DUSP19: variants seen among roughly 807,000 people sequenced by gnomAD.
DUSP19 encodes dual specificity phosphatase 19.
A neutral mutation model predicts 16.6 loss-of-function variants in DUSP19; 14 were observed. The ratio of observed to expected loss-of-function variants is 0.84; its 90% confidence interval spans 0.56 to 1.32. DUSP19 has a LOEUF of 1.32. Ranked by LOEUF, DUSP19 falls within the 40% of genes most tolerant of loss-of-function variation. DUSP19 has a pLI of 0.00. For missense variants in DUSP19, 258 were observed against 255.9 expected, an observed-to-expected ratio of 1.01 and a Z score of -0.06; for synonymous variants, 81 against 90.5, an observed-to-expected ratio of 0.90 and a Z score of 0.59.
At chr2:183,081,361 T>G (rs1699590248) in intron 1 of DUSP19, among the ~76,000 whole-genome samples, 1 of 152,176 alleles carries the variant, frequency 6.6e-6, no homozygotes, top group Non-Finnish European at 1.5e-5. Flanking sequence ...TCGTCCCACC[T>G]CAGCCTCTGA....
intron 1 of DUSP19, among the ~76,000 whole-genome samples, chr2:183,083,130 A>G (rs1414400540): frequency 4.6e-5 from 7 of 152,014 alleles, no homozygotes; most frequent in African/African-American, 1.7e-4. Flanking sequence ...TACATTTCTT[A>G]TTTCTAATGG....
intron 3 of DUSP19, among the ~76,000 whole-genome samples, chr2:183,088,671 C>T (rs536177652): frequency 8.7e-4 from 133 of 152,120 alleles, no homozygotes; most frequent in African/African-American, 3.1e-3. Context: ...AGACCACCTG[C>T]CTCAGCCTCC....
chr2:183,081,421 A>G (rs937147236), intron 1 of DUSP19, among the ~76,000 whole-genome samples: 1 of 151,958 alleles, frequency 6.6e-6, no homozygotes, highest in Non-Finnish European at 1.5e-5. Flanking sequence ...ATTTTTTTGT[A>G]CTTTTTGTAG....
chr2:183,079,016 G>C lies in DUSP19; in HGVS notation c.83G>C (p.Gly28Ala). The change falls in exon 1 of 4, where the codon GGA (glycine) becomes GCA (alanine). Residue 28 changes from glycine to alanine, a missense_variant. Physicochemically the swap from Gly to Ala is moderately conservative, Grantham distance 60. Transcript: ENST00000354221. ...TGCACCAGGGTGACAACGCTAACTG[G>C]AAAGAAAATTATAGAAACATGGAAA... ...KQCTRVTTLT[G>A]KKIIETWKDA... 6.2e-7 allele frequency: 1 copy of C among 1,614,126 alleles called. No individual in the cohort carries two copies. The highest frequency in any genetic ancestry group is 8.5e-7 in the Non-Finnish European group (1 of 1,180,020).
At chr2:183,082,751 T>C (rs1410956955) in intron 1 of DUSP19, among the ~76,000 whole-genome samples, 1 of 151,852 alleles carries the variant, frequency 6.6e-6, no homozygotes, top group Non-Finnish European at 1.5e-5. Flanking sequence ...CTATACATAT[T>C]TTACCACATT....
In DUSP19 at chr2:183,079,031, A is replaced by C; in HGVS notation, c.98A>C (p.Glu33Ala). 1 of 1,614,174 alleles carries C rather than the reference A, an allele frequency of 6.2e-7. No homozygotes were observed. The highest frequency in any genetic ancestry group is 8.5e-7 in the Non-Finnish European group (1 of 1,180,040). ...VTTLTGKKII[E>A]TWKDARIHVV... ...ACGCTAACTGGAAAGAAAATTATAG[A>C]AACATGGAAAGATGCCAGAATTCAT... is the stretch of plus-strand genomic sequence containing the variant. Residue 33 changes from glutamate to alanine, a missense_variant, in exon 1 of 4, where the codon GAA becomes GCA. Transcript: ENST00000354221.
At chr2:183,087,335 C>A in intron 3 of DUSP19, 143 bp downstream of exon 3, 1 of 909,510 alleles carries the variant, frequency 1.1e-6, no homozygotes, top group Non-Finnish European at 1.6e-6. Flanking sequence ...TTATTTCCTA[C>A]AATTATTTGG....
intron 3 of DUSP19, among the ~76,000 whole-genome samples, chr2:183,090,236 TG>T (rs1575096366): frequency 6.6e-6 from 1 of 152,236 alleles, no homozygotes; most frequent in East Asian, 1.9e-4. Context: ...GGCTATAGTT[TG>T]TTGTTTTCAT....
chr2:183,089,555 C>T (rs945501633), intron 3 of DUSP19, among the ~76,000 whole-genome samples: 1 of 100,150 alleles, frequency 1.0e-5, no homozygotes, highest in Non-Finnish European at 2.4e-5. Flanking sequence ...CAGAGTACGC[C>T]TGTCTATACT....
chr2:183,093,982 C>A (rs752050498), intron 3 of DUSP19, among the ~76,000 whole-genome samples: 2 of 151,998 alleles, frequency 1.3e-5, no homozygotes, highest in East Asian at 3.9e-4. Flanking sequence ...GCTATTGCTA[C>A]AAAATGAGAA....
At position 183,095,815 on chromosome 2, in the gene DUSP19, A is replaced by G. The variant is rs371765838; in HGVS notation, c.*157A>G. The G allele has an allele frequency of 1.3e-5, 6 of 466,276 alleles. No homozygotes were observed. The Admixed American group carries it at 1.6e-4, about 12-fold the overall frequency. 28.9% of individuals were successfully genotyped at this position (466,276 alleles called of 1,614,324 possible). A position where few individuals can be genotyped will look rare whatever the true frequency, so the allele number is the denominator to read the frequency against. ...CAATTTGATTGTCCTGACCTACTGT[A>G]TAAGTAAATTTCAAATGTCATTACT... On this transcript the variant is annotated 3_prime_UTR_variant, in exon 4 of 4. Transcript: ENST00000354221.
At position 183,083,525 on chromosome 2, in the gene DUSP19, C is replaced by A. The variant is rs777582682; in HGVS notation, c.244C>A (p.His82Asn). 3.8e-5 allele frequency: 62 copies of A among 1,610,944 alleles called. No homozygotes were observed. Among genetic ancestry groups the A allele is most frequent in the Non-Finnish European group, 5.2e-5 (61 of 1,178,510 alleles). ...TCTTCTAGGGTCACAAGATGCTGCTCATGATTTGGATACACTGAAAAAGAA... is the reference window on the plus strand; with the variant it reads ...TCTTCTAGGGTCACAAGATGCTGCTAATGATTTGGATACACTGAAAAAGAA... The part of the protein sequence containing the change: ...WLLLGSQDAA[H>N]DLDTLKKNKV... Residue 82 changes from histidine to asparagine, a missense_variant, in exon 2 of 4, where the codon CAT becomes AAT. Physicochemically the swap from His to Asn is moderately conservative, Grantham distance 68. Coordinates refer to ENST00000354221, the MANE Select transcript of DUSP19 (RefSeq NM_080876.4).
chr2:183,095,412 T>G lies in DUSP19; in HGVS notation c.427-19T>G. The G allele has an allele frequency of 6.4e-7, 1 of 1,563,036 alleles. No homozygotes were observed. Among genetic ancestry groups the G allele is most frequent in the Non-Finnish European group, 8.6e-7 (1 of 1,158,888 alleles). ...CTCAAATGAATAATGAAGATTTTTG[T>G]TTGTTTTTTTTTTTGTAGGATGGAG... On this transcript the variant is annotated intron_variant, in intron 3 of 3. Coordinates refer to ENST00000354221, the MANE Select transcript of DUSP19 (RefSeq NM_080876.4).
intron 3 of DUSP19, among the ~76,000 whole-genome samples, chr2:183,091,151 A>G (rs894146171): frequency 6.6e-5 from 10 of 152,164 alleles, no homozygotes; most frequent in African/African-American, 1.2e-4. Flanking sequence ...GCTATGAGAC[A>G]TGTAAGCTGT....
intron 3 of DUSP19, among the ~76,000 whole-genome samples, chr2:183,090,085 AT>A (rs939924972): frequency 1.3e-5 from 2 of 152,188 alleles, no homozygotes; most frequent in African/African-American, 2.4e-5. Flanking sequence ...GCTAATATAT[AT>A]TTAGTTTTAG....
intron 1 of DUSP19, 147 bp downstream of exon 1, chr2:183,079,306 T>A: frequency 1.3e-6 from 1 of 786,858 alleles, no homozygotes; most frequent in Non-Finnish European, 2.0e-6. Flanking sequence ...GAACTTCCAT[T>A]AGCCAGCTAG....
At position 183,083,632 on chromosome 2, in the gene DUSP19, C is replaced by T. The variant is rs939617631; in HGVS notation, c.273+78C>T. The T allele has an allele frequency of 5.5e-6, 7 of 1,265,098 alleles. No homozygotes were observed. The African/African-American group carries it at 7.6e-5, about 14-fold the overall frequency. The allele number at this position is 1,265,098 out of a possible 1,614,324, so 78.4% of individuals were successfully genotyped here. On this transcript the variant is annotated intron_variant, in intron 2 of 3. Transcript: ENST00000354221. ...TTATTTAGGAAAAACTGTATTGGTC[C>T]ATCTTTGGTATATTATGGAGTTTAT... is the stretch of plus-strand genomic sequence containing the variant.
intron 3 of DUSP19, among the ~76,000 whole-genome samples, chr2:183,088,873 A>C (rs1273583905): frequency 6.6e-6 from 1 of 152,198 alleles, no homozygotes; most frequent in Non-Finnish European, 1.5e-5. Flanking sequence ...TTCTCTAAGG[A>C]GATGTAGAAT....
chr2:183,093,620 A>G (rs980268208), intron 3 of DUSP19, among the ~76,000 whole-genome samples: 1 of 152,232 alleles, frequency 6.6e-6, no homozygotes, highest in Non-Finnish European at 1.5e-5. Context: ...TCAAAAGTAG[A>G]AAGTAGGTAA....
Sources: gnomAD v4.1 joint callset for allele counts (sites outside exome capture counted in the v4.1 genomes callset) on GRCh38, gnomAD v4.1.1 for gene constraint, MANE v1.5 for transcripts, NCBI Gene and HGNC (gene_info 2026-07-23, HGNC 2026-07-21) for gene names.